Variants in ZFR observed in about 807,000 individuals in gnomAD.
ZFR encodes zinc finger RNA-binding protein.
In ZFR, 19 loss-of-function variants were observed where a neutral mutation model predicts 130.7. The ratio of observed to expected loss-of-function variants is 0.15; its 90% CI spans 0.10 to 0.21. The LOEUF is 0.21. Ranked by LOEUF, ZFR falls within the 10% of genes least tolerant of loss-of-function variation. The pLI is 1.00. For synonymous variants in ZFR, 466 were observed against 456.9 expected, an observed-to-expected ratio of 1.02 and a Z score of -0.25; for missense variants, 872 against 1,321.5, an observed-to-expected ratio of 0.66 and a Z score of 5.27.
intron 17 of ZFR, among the ~76,000 whole-genome samples, chr5:32,366,594 T>C (rs1169267728): frequency 1.3e-5 from 2 of 152,212 alleles, no homozygotes; most frequent in Admixed American, 6.5e-5. Flanking sequence ...AATTAAAACA[T>C]ATTAATTTTC....
intron 2 of ZFR, among the ~76,000 whole-genome samples, chr5:32,423,629 CAGAAA>C (rs1754003236): frequency 6.6e-6 from 1 of 151,800 alleles, no homozygotes; most frequent in African/African-American, 2.4e-5. Context: ...GAAGGAATGA[CAGAAA>C]AGAAAAAAGA....
At chr5:32,444,405 GGAGA>G in intron 1 of ZFR, 77 bp from the exon 2 acceptor site, 2 of 1,478,570 alleles carry the variant, frequency 1.4e-6, no homozygotes, top group East Asian at 2.7e-5. Context: ...GGGAGGGCAG[GGAGA>G]GAAAGAGAGA....
At chr5:32,365,691 G>A (rs1354940797) in intron 17 of ZFR, among the ~76,000 whole-genome samples, 2 of 150,284 alleles carry the variant, frequency 1.3e-5, no homozygotes, top group African/African-American at 2.4e-5. Context: ...AGGATCACTT[G>A]AGCCCAAGAG....
intron 11 of ZFR, among the ~76,000 whole-genome samples, chr5:32,392,725 T>G (rs1246720341): frequency 6.6e-6 from 1 of 152,224 alleles, no homozygotes; most frequent in African/African-American, 2.4e-5. Flanking sequence ...CCAGTCGTGG[T>G]GGCTCATACA....
chr5:32,406,909 T>TGCA lies in ZFR; in HGVS notation c.894_896dup (p.Ala299dup), dbSNP rs746629041. ...AGGTGGTCCCTGTCCAGGCAGCTGTTGCAGCAGCAGCAGCAGCTGCTGCTG... is the reference window on the plus strand; with the variant it reads ...AGGTGGTCCCTGTCCAGGCAGCTGTTGCAGCAGCAGCAGCAGCAGCTGCTGCTG... On this transcript the variant is annotated inframe_insertion, in exon 6 of 20. Coordinates refer to ENST00000265069, the MANE Select transcript of ZFR (RefSeq NM_016107.5). 1.2e-4 allele frequency: 186 copies of TGCA among 1,611,112 alleles called. No homozygotes were observed. Among genetic ancestry groups the TGCA allele is most frequent in the East Asian group, 3.8e-4 (17 of 44,826 alleles).
At chr5:32,407,875 G>C (rs1015388273) in intron 5 of ZFR, among the ~76,000 whole-genome samples, 1 of 152,074 alleles carries the variant, frequency 6.6e-6, no homozygotes, top group Non-Finnish European at 1.5e-5. Flanking sequence ...ATCTGTGAAC[G>C]TGGAGACGGG....
At chr5:32,437,455 G>A (rs1334559486) in intron 2 of ZFR, among the ~76,000 whole-genome samples, 1 of 152,050 alleles carries the variant, frequency 6.6e-6, no homozygotes, top group Non-Finnish European at 1.5e-5. Flanking sequence ...ATCTCTGTAT[G>A]AATAAAAGCT....
intron 17 of ZFR, among the ~76,000 whole-genome samples, chr5:32,365,575 T>C (rs905588909): frequency 1.3e-5 from 2 of 151,806 alleles, no homozygotes; most frequent in Non-Finnish European, 2.9e-5. Flanking sequence ...CTTTTTTATT[T>C]TGAGAAAGGG....
chr5:32,427,398 G>C (rs1314170870), intron 2 of ZFR, among the ~76,000 whole-genome samples: 2 of 137,606 alleles, frequency 1.5e-5, no homozygotes, highest in Middle Eastern at 3.8e-3. Flanking sequence ...AAAAAAAAAG[G>C]AAAAGAAAAG....
chr5:32,444,553 C>T (rs1754562454), intron 1 of ZFR, 69 bp downstream of exon 1: 2 of 1,430,666 alleles, frequency 1.4e-6, no homozygotes, highest in East Asian at 3.1e-5. Flanking sequence ...CCCCAACCCC[C>T]GCGGCTCCCC....
Position 32,402,804 on chromosome 5 carries a change from A to G in ZFR, c.1516+302T>C, listed in dbSNP as rs1431323335. On this transcript the variant is annotated intron_variant, in intron 8 of 19. Coordinates refer to ENST00000265069, the MANE Select transcript of ZFR (RefSeq NM_016107.5). ...AAAATGAAAAAAAAAAAAACAAAAA[A>G]AACCAATCAGGTTACCTTAAGATTA... Among the ~76,000 whole-genome samples the G allele has an allele frequency of 4.6e-5, 7 of 151,816 alleles. 1 individual carries two copies. The South Asian group carries it at 1.3e-3, about 27-fold the overall frequency.
At chr5:32,421,055 C>A (rs1387906740) in intron 2 of ZFR, among the ~76,000 whole-genome samples, 1 of 152,174 alleles carries the variant, frequency 6.6e-6, no homozygotes, top group Non-Finnish European at 1.5e-5. Context: ...AGCTAAAGTT[C>A]TTACAGGAAT....
chr5:32,406,476 C>G (rs1225961681), intron 6 of ZFR, among the ~76,000 whole-genome samples: 1 of 152,138 alleles, frequency 6.6e-6, no homozygotes, highest in Non-Finnish European at 1.5e-5. Flanking sequence ...TTCAATCTTA[C>G]CCAAGTCGCA....
chr5:32,368,553 A>C (rs1366372368), intron 17 of ZFR, among the ~76,000 whole-genome samples: 1 of 152,194 alleles, frequency 6.6e-6, no homozygotes, highest in African/African-American at 2.4e-5. Context: ...TTTAAAAGAC[A>C]CACATTAATT....
Position 32,444,664 on chromosome 5 carries a change from C to G in ZFR, c.-6G>C. 1 of 1,510,894 alleles carries G rather than the reference C, an allele frequency of 6.6e-7. No homozygotes were observed. Among genetic ancestry groups the G allele is most frequent in the Non-Finnish European group, 8.9e-7 (1 of 1,129,590 alleles). The allele number at this position is 1,510,894 out of a possible 1,614,324, so 93.6% of individuals were successfully genotyped here. A position where few individuals can be genotyped will look rare whatever the true frequency, so the allele number is the denominator to read the frequency against. ...ACAGGGCATATGGGAATCATGGGCTCGGGCTGCTGCTGCTGAACTCTGAAC... is the reference window on the plus strand; with the variant it reads ...ACAGGGCATATGGGAATCATGGGCTGGGGCTGCTGCTGCTGAACTCTGAAC... On this transcript the variant is annotated 5_prime_UTR_variant, in exon 1 of 20. Coordinates refer to ENST00000265069, the MANE Select transcript of ZFR (RefSeq NM_016107.5).
At chr5:32,442,432 A>T (rs778118631) in intron 2 of ZFR, among the ~76,000 whole-genome samples, 11 of 152,220 alleles carry the variant, frequency 7.2e-5, no homozygotes, top group Non-Finnish European at 1.2e-4. Context: ...AAGCTGTTGA[A>T]TTTTTTAAAA....
chr5:32,379,698 A>C (rs1752895621), intron 16 of ZFR: 1 of 192,336 alleles, frequency 5.2e-6, no homozygotes, highest in African/African-American at 2.4e-5. Context: ...AAAAATCTTA[A>C]AACTATACAC....
At chr5:32,366,246 A>G (rs1752543561) in intron 17 of ZFR, among the ~76,000 whole-genome samples, 1 of 152,242 alleles carries the variant, frequency 6.6e-6, no homozygotes, top group Non-Finnish European at 1.5e-5. Context: ...CACAAAATTG[A>G]AGTCATAAAA....
intron 2 of ZFR, among the ~76,000 whole-genome samples, chr5:32,436,194 G>A (rs1164641216): frequency 7.2e-6 from 1 of 138,068 alleles, no homozygotes; most frequent in African/African-American, 2.8e-5. Context: ...TGTCGCCCAG[G>A]CTGGAGTGCA....
Sources: gnomAD v4.1 joint callset for allele counts (sites outside exome capture counted in the v4.1 genomes callset) on GRCh38, gnomAD v4.1.1 for gene constraint, MANE v1.5 for transcripts, NCBI Gene and HGNC (gene_info 2026-07-23, HGNC 2026-07-21) for gene names.